The following SLC4A4 variants were observed in gnomAD, a reference collection of about 807,000 sequenced individuals.
The protein encoded by SLC4A4 is electrogenic sodium bicarbonate cotransporter 1.
In SLC4A4, 27 loss-of-function variants were observed where a neutral mutation model predicts 111.5. The ratio of observed to expected loss-of-function variants is 0.24; its 90% CI spans 0.18 to 0.33. The LOEUF is 0.33. Among genes scored for constraint, SLC4A4 ranks in the 10% least tolerant of loss-of-function variants. The pLI is 1.00. For missense variants in SLC4A4, 909 were observed against 1,315.5 expected, an observed-to-expected ratio of 0.69 and a Z score of 4.78; for synonymous variants, 443 against 463.4, an observed-to-expected ratio of 0.96 and a Z score of 0.57.
chr4:71,180,398 A>G (rs541118521), intron 2 of SLC4A4, among the ~76,000 whole-genome samples: 2 of 152,358 alleles, frequency 1.3e-5, no homozygotes, highest in South Asian at 2.1e-4. Flanking sequence ...AGAAACTACC[A>G]TCAGAGTGAA....
intron 16 of SLC4A4, among the ~76,000 whole-genome samples, chr4:71,523,742 A>G (rs964334523): frequency 1.3e-5 from 2 of 152,136 alleles, no homozygotes; most frequent in Admixed American, 1.3e-4. Flanking sequence ...ATTAATTATT[A>G]TTTTTAAACT....
intron 8 of SLC4A4, among the ~76,000 whole-genome samples, chr4:71,443,843 G>A (rs749793086): frequency 6.6e-6 from 1 of 152,036 alleles, no homozygotes; most frequent in Non-Finnish European, 1.5e-5. Flanking sequence ...AATTGTCAAA[G>A]CCATTAAAAA....
chr4:71,176,220 A>G (rs950812018), intron 2 of SLC4A4, among the ~76,000 whole-genome samples: 2 of 152,198 alleles, frequency 1.3e-5, no homozygotes, highest in Admixed American at 6.5e-5. Context: ...AAAACCACAA[A>G]GATGGGGAAA....
At chr4:71,179,915 C>T (rs551667503) in intron 2 of SLC4A4, among the ~76,000 whole-genome samples, 1 of 152,250 alleles carries the variant, frequency 6.6e-6, no homozygotes, top group South Asian at 2.1e-4. Flanking sequence ...GCCAAAAGAA[C>T]CAAGCTGGAG....
chr4:71,198,466 G>T (rs1746106421), intron 1 of SLC4A4, among the ~76,000 whole-genome samples: 1 of 152,210 alleles, frequency 6.6e-6, no homozygotes, highest in African/African-American at 2.4e-5. Context: ...CCTCAGGGCA[G>T]ATGTAACTGG....
intron 2 of SLC4A4, among the ~76,000 whole-genome samples, chr4:71,178,549 A>C (rs1196125164): frequency 6.6e-6 from 1 of 152,208 alleles, no homozygotes; most frequent in African/African-American, 2.4e-5. Context: ...CAGAAATACA[A>C]ACTACCATCA....
intron 16 of SLC4A4, among the ~76,000 whole-genome samples, chr4:71,500,775 G>A (rs895817983): frequency 2.0e-5 from 3 of 152,098 alleles, no homozygotes; most frequent in African/African-American, 7.2e-5. Context: ...AAATCAGTTG[G>A]CCATAAATGC....
intron 1 of SLC4A4, among the ~76,000 whole-genome samples, chr4:71,083,471 A>G (rs1007921003): frequency 6.6e-6 from 1 of 151,792 alleles, no homozygotes; most frequent in Non-Finnish European, 1.5e-5. Context: ...GAAAAATTTC[A>G]TTACTCCTTC....
At chr4:71,072,729 T>C (rs1398148587) in intron 1 of SLC4A4, among the ~76,000 whole-genome samples, 2 of 152,062 alleles carry the variant, frequency 1.3e-5, no homozygotes, top group South Asian at 2.1e-4. Context: ...TTGGTCCTTT[T>C]TTTTGTTGTT....
At chr4:71,523,678 C>T (rs1733161863) in intron 16 of SLC4A4, among the ~76,000 whole-genome samples, 2 of 152,120 alleles carry the variant, frequency 1.3e-5, no homozygotes, top group African/African-American at 2.4e-5. Flanking sequence ...CCTGCACTAA[C>T]ACAAAATGGT....
At chr4:71,119,515 G>A (rs141558648) in intron 2 of SLC4A4, among the ~76,000 whole-genome samples, 260 of 152,150 alleles carry the variant, frequency 1.7e-3, no homozygotes, top group African/African-American at 6.0e-3. Context: ...CCAAGTTGCT[G>A]GGACTACAGG....
At chr4:71,152,200 T>G (rs1294021262) in intron 2 of SLC4A4, among the ~76,000 whole-genome samples, 1 of 152,212 alleles carries the variant, frequency 6.6e-6, no homozygotes, top group African/African-American at 2.4e-5. Context: ...TCTCTCCTTC[T>G]GTATTCCCTT....
At chr4:71,495,611 A>G (rs1441435743) in intron 15 of SLC4A4, among the ~76,000 whole-genome samples, 1 of 152,086 alleles carries the variant, frequency 6.6e-6, no homozygotes, top group African/African-American at 2.4e-5. Flanking sequence ...TTTGAGCTCT[A>G]TAAAAAAATG....
At chr4:71,523,266 CCAGATTTT>C (rs1733120876) in intron 16 of SLC4A4, among the ~76,000 whole-genome samples, 1 of 151,934 alleles carries the variant, frequency 6.6e-6, no homozygotes, top group African/African-American at 2.4e-5. Flanking sequence ...TAAAGGAGAA[CCAGATTTT>C]CAAATTCTTG....
At chr4:71,147,621 G>A (rs1473761737) in intron 2 of SLC4A4, among the ~76,000 whole-genome samples, 1 of 152,082 alleles carries the variant, frequency 6.6e-6, no homozygotes, top group African/African-American at 2.4e-5. Flanking sequence ...ATCACAGCAG[G>A]GGTTCACTTG....
intron 16 of SLC4A4, among the ~76,000 whole-genome samples, chr4:71,517,986 G>A (rs1348354040): frequency 6.6e-6 from 1 of 152,186 alleles, no homozygotes; most frequent in African/African-American, 2.4e-5. Flanking sequence ...TGAGTCTGTA[G>A]GAGTGGTCCA....
At position 71,567,019 on chromosome 4, in the gene SLC4A4, C is replaced by G. The variant is rs745768466; in HGVS notation, c.3212C>G (p.Thr1071Arg). Residue 1071 changes from threonine (T) to arginine (R), a missense_variant, in exon 25 of 26, where the codon ACA becomes AGA. This residue lies in a region of SLC4A4 where 85 missense variants were observed against 79.8 expected (regional missense o/e 1.07). Transcript: ENST00000264485. ...TATTTTCCAGGAGAAAGATCACCAACATTCCTTGAACGCCACACATCATGC... is the reference window on the plus strand; with the variant it reads ...TATTTTCCAGGAGAAAGATCACCAAGATTCCTTGAACGCCACACATCATGC... ...SKPSDRERSP[T>R]FLERHTSC The G allele has an allele frequency of 6.2e-7, 1 of 1,610,110 alleles. No homozygotes were observed. The highest frequency in any genetic ancestry group is 8.5e-7 in the Non-Finnish European group (1 of 1,177,404).
At chr4:71,567,707 T>C (rs1012320780) in intron 25 of SLC4A4, 81 bp from the exon 26 acceptor site, 21 of 654,932 alleles carry the variant, frequency 3.2e-5, no homozygotes, top group Middle Eastern at 4.2e-4. Context: ...CACATTTGAC[T>C]TCTATACAAT....
chr4:71,139,328 C>T (rs1396521949), intron 2 of SLC4A4, among the ~76,000 whole-genome samples: 1 of 152,012 alleles, frequency 6.6e-6, no homozygotes, highest in Admixed American at 6.6e-5. Flanking sequence ...TACAATCTTC[C>T]TGCTTATTGC....
Sources: allele counts gnomAD v4.1 joint callset (sites outside exome capture counted in the v4.1 genomes callset), GRCh38; gene constraint gnomAD v4.1.1; regional missense constraint gnomAD v4.1.1; transcripts MANE v1.5; gene names NCBI Gene and HGNC (gene_info 2026-07-23, HGNC 2026-07-21).